Variants in ZSCAN5C observed in about 807,000 individuals in gnomAD.
ZSCAN5C encodes zinc finger and SCAN domain-containing protein 5C.
ZSCAN5C carries 11 observed loss-of-function variants against 17.3 expected under a neutral mutation model. The ratio of observed to expected loss-of-function variants is 0.64; its 90% CI spans 0.40 to 1.06. The LOEUF (loss-of-function observed/expected upper bound fraction) is 1.06. Ranked by LOEUF, ZSCAN5C falls within the 50% of genes least tolerant of loss-of-function variation. The pLI, the probability that ZSCAN5C is intolerant of heterozygous loss-of-function variation, is 0.00. For missense variants in ZSCAN5C, 698 were observed against 538.9 expected, an observed-to-expected ratio of 1.30 and a Z score of -2.92; for synonymous variants, 229 against 208.4, an observed-to-expected ratio of 1.10 and a Z score of -0.85.
At chr19:56,208,417 A>C in intron 4 of ZSCAN5C, 32 bp from the exon 5 acceptor site, 1 of 1,243,298 alleles carries the variant, frequency 8.0e-7, no homozygotes, top group South Asian at 1.3e-5. Context: ...AATGCACCTT[A>C]TTAACTGTGT....
rs567281802 is a variant in ZSCAN5C at position 56,207,774 on chromosome 19, C to T, written c.589-260C>T. 2.0e-3 allele frequency among the ~76,000 whole-genome samples: 309 copies of T among 151,798 alleles called. 8 individuals carry two copies. Among genetic ancestry groups the T allele is most frequent in the African/African-American group, 7.3e-3 (300 of 41,162 alleles). ...GCGGGGTCTCTGCTCTGCACAGGAG[C>T]GCCCCCTCCAGGAGGGTGATGCAGC... On this transcript the variant is annotated intron_variant, in intron 3 of 4. Transcript: ENST00000534327.
At chr19:56,208,492 A>G (rs756911692) in exon 5 of ZSCAN5C, 4 of 1,522,942 alleles carry the variant, frequency 2.6e-6, no homozygotes, top group South Asian at 1.1e-5. Flanking sequence ...CCCAAAAAAG[A>G]GCCTCTGTGG....
rs2146336323 is a variant in ZSCAN5C, at chr19:56,202,333, A to G, written c.-128+11A>G. On this transcript the variant is annotated intron_variant, in intron 1 of 4. Transcript: ENST00000534327. ...GAAGTCAGGAAGGAGGTAAGTGTCC[A>G]CTGGGGATGTCTGTGGGGTTTTGGA... is the stretch of plus-strand genomic sequence containing the variant. 6.6e-6 allele frequency: 1 copy of G among 152,474 alleles called. No homozygotes were observed. Among genetic ancestry groups the G allele is most frequent in the Middle Eastern group, 3.4e-3 (1 of 294 alleles). The allele number at this position is 152,474 out of a possible 1,614,324, so 9.4% of individuals were successfully genotyped here. A position where few individuals can be genotyped will look rare whatever the true frequency, so the allele number is the denominator to read the frequency against.
chr19:56,207,237 G>T (rs1187440526), exon 3 of ZSCAN5C: 3 of 779,132 alleles, frequency 3.9e-6, no homozygotes, highest in Non-Finnish European at 4.8e-6. Context: ...ACCCTGCCCA[G>T]GGTCCCTGCA....
intron 1 of ZSCAN5C, among the ~76,000 whole-genome samples, chr19:56,203,112 C>T (rs1368675285): frequency 6.6e-6 from 1 of 151,838 alleles, no homozygotes; most frequent in Non-Finnish European, 1.5e-5. Context: ...AACATGAACC[C>T]CTTTTTTTAG....
At chr19:56,206,076 G>C (rs746727068) in exon 2 of ZSCAN5C, 3 of 1,612,120 alleles carry the variant, frequency 1.9e-6, no homozygotes, top group Non-Finnish European at 2.5e-6. Flanking sequence ...CTGCCCGAAG[G>C]AGTCGGACCC....
exon 2 of ZSCAN5C, chr19:56,205,942 G>T: frequency 2.3e-6 from 3 of 1,305,018 alleles, no homozygotes; most frequent in Non-Finnish European, 3.3e-6. Context: ...TCCTCATGGA[G>T]TCTAGGAGAA....
At position 56,207,148 on chromosome 19, in the gene ZSCAN5C, G is replaced by C. The variant is rs559862308; in HGVS notation, c.474G>C (p.Pro158=). Residue 158 remains proline, a synonymous_variant, in exon 3 of 5, where the codon CCG becomes CCC. Coordinates refer to ENST00000534327, the Ensembl canonical transcript of ZSCAN5C. ...CCCCCGCCAGTGTCAGAGATGATCCGAGACACGTGTCCAGCCAGCGGACCT... is the reference window on the plus strand; with the variant it reads ...CCCCCGCCAGTGTCAGAGATGATCCCAGACACGTGTCCAGCCAGCGGACCT... 6.4e-6 allele frequency: 5 copies of C among 778,018 alleles called. No individual in the cohort carries two copies. In the South Asian group the frequency reaches 6.8e-5, roughly 11 times the overall value. The allele number at this position is 778,018 out of a possible 1,614,324, so 48.2% of individuals were successfully genotyped here. A position where few individuals can be genotyped will look rare whatever the true frequency, so the allele number is the denominator to read the frequency against.
exon 5 of ZSCAN5C, chr19:56,208,833 C>G (rs538159511): frequency 1.3e-6 from 2 of 1,554,248 alleles, no homozygotes; most frequent in Middle Eastern, 1.7e-4. Flanking sequence ...GCCGTCCACA[C>G]GAGATCACAC....
At chr19:56,207,094 G>T (rs1243739583) in exon 3 of ZSCAN5C, 1 of 744,186 alleles carries the variant, frequency 1.3e-6, no homozygotes, top group South Asian at 1.4e-5. Context: ...AATATCTTAT[G>T]CAGGAATCAG....
chr19:56,207,604 C>CATT (rs2032938407), intron 3 of ZSCAN5C, among the ~76,000 whole-genome samples: 2 of 151,878 alleles, frequency 1.3e-5, no homozygotes, highest in Non-Finnish European at 2.9e-5. Context: ...GGGAACTCAC[C>CATT]TCCTACAGAT....
chr19:56,205,849 C>T (rs1481478861), exon 2 of ZSCAN5C: 78 of 716,528 alleles, frequency 1.1e-4, no homozygotes, highest in Non-Finnish European at 4.6e-5. Context: ...GTATATAGGT[C>T]GCAATTAGAC....
At chr19:56,208,923 C>G (rs778004491) in exon 5 of ZSCAN5C, 2 of 1,612,888 alleles carry the variant, frequency 1.2e-6, no homozygotes, top group Admixed American at 3.3e-5. Flanking sequence ...CACCAGCGAA[C>G]CCACACTGGC....
exon 2 of ZSCAN5C, chr19:56,206,155 A>G (rs1405458139): frequency 1.2e-6 from 2 of 1,605,042 alleles, no homozygotes; most frequent in Non-Finnish European, 1.7e-6. Flanking sequence ...CACACCAAAG[A>G]GCAGATCCTG....
Position 56,207,263 on chromosome 19 carries a change from G to GT in ZSCAN5C, c.588+2dup. On this transcript the variant is annotated splice_donor_variant, in intron 3 of 4. Transcript: ENST00000534327. LOFTEE classifies it high-confidence loss of function. ...GGTCCCTGCACTGTTCAGGAGGCAG[G>GT]TGGGTGTGTGAGGCCTTGGTGTCTG... The GT allele has an allele frequency of 1.3e-6, 1 of 775,006 alleles. No individual in the cohort carries two copies. Among genetic ancestry groups the GT allele is most frequent in the South Asian group, 1.4e-5 (1 of 73,690 alleles). 48.0% of individuals were successfully genotyped at this position (775,006 alleles called of 1,614,324 possible).
At position 56,209,145 on chromosome 19, in the gene ZSCAN5C, G is replaced by A. The variant is rs539972402; in HGVS notation, c.1436G>A (p.Arg479Gln). 1.8e-4 allele frequency: 262 copies of A among 1,424,732 alleles called. 2 individuals carry two copies. The South Asian group carries it at 2.8e-3, about 15-fold the overall frequency. 88.3% of individuals were successfully genotyped at this position (1,424,732 alleles called of 1,614,324 possible). A position where few individuals can be genotyped will look rare whatever the true frequency, so the allele number is the denominator to read the frequency against. ...TCCAAGTGTCCAAGAGCCTTCGGTC[G>A]GCCGGCGACCTTAAGACGCCACCAG... is the stretch of plus-strand genomic sequence containing the variant. Residue 479 changes from arginine (R) to glutamine (Q), a missense_variant, in exon 5 of 5, where the codon CGG becomes CAG. Physicochemically the swap from Arg to Gln is conservative, Grantham distance 43. Around this residue, in one of 3 missense-constraint regions of ZSCAN5C, gnomAD observed 554 missense variants for 390.5 expected, o/e 1.42. Coordinates refer to ENST00000534327, the Ensembl canonical transcript of ZSCAN5C.
At chr19:56,207,969 A>G in intron 3 of ZSCAN5C, 65 bp from the exon 4 acceptor site, 1 of 665,252 alleles carries the variant, frequency 1.5e-6, no homozygotes, top group African/African-American at 1.8e-5. Flanking sequence ...CAGTCAGGAA[A>G]AAGCAGACAT....
intron 1 of ZSCAN5C, among the ~76,000 whole-genome samples, chr19:56,204,009 T>C (rs1446777159): frequency 1.3e-5 from 2 of 151,868 alleles, no homozygotes; most frequent in Non-Finnish European, 2.9e-5. Flanking sequence ...TTAAAAACTA[T>C]TTTATAATTT....
chr19:56,208,896 G>T (rs767277406), exon 5 of ZSCAN5C: 19 of 1,598,324 alleles, frequency 1.2e-5, no homozygotes, highest in Non-Finnish European at 1.4e-5. Flanking sequence ...TTCATGCAGC[G>T]CATAGGCCTG....
Sources: allele counts gnomAD v4.1 joint callset (sites outside exome capture counted in the v4.1 genomes callset), GRCh38; gene constraint gnomAD v4.1.1; regional missense constraint gnomAD v4.1.1; transcripts MANE v1.5; gene names NCBI Gene and HGNC (gene_info 2026-07-23, HGNC 2026-07-21).